TNR: variants seen among roughly 807,000 people sequenced by gnomAD.
The protein encoded by TNR is tenascin-R.
A neutral mutation model predicts 150.4 loss-of-function variants in TNR; 45 were observed. The observed-to-expected ratio is 0.30, with a 90% CI of 0.24 to 0.38. The LOEUF is 0.38. Among genes scored for constraint, TNR ranks in the 10% least tolerant of loss-of-function variants. The pLI is 1.00. For synonymous variants in TNR, 687 were observed against 678.4 expected, an observed-to-expected ratio of 1.01 and a Z score of -0.20; for missense variants, 1,544 against 1,759.1, an observed-to-expected ratio of 0.88 and a Z score of 2.19.
At chr1:175,359,826 G>T (rs1048052066) in intron 14 of TNR, 95 bp from the exon 15 acceptor site, 4 of 1,435,614 alleles carry the variant, frequency 2.8e-6, no homozygotes, top group Admixed American at 2.5e-5. Flanking sequence ...GTGCAAGACT[G>T]CTGCTGCACT....
intron 1 of TNR, among the ~76,000 whole-genome samples, chr1:175,685,909 C>A (rs1666182222): frequency 6.6e-6 from 1 of 150,640 alleles, no homozygotes; most frequent in Non-Finnish European, 1.5e-5. Context: ...TCAGAGATTT[C>A]ATCTGGACCT....
intron 13 of TNR, among the ~76,000 whole-genome samples, chr1:175,363,357 C>G (rs1329253052): frequency 6.6e-6 from 1 of 152,236 alleles, no homozygotes; most frequent in Non-Finnish European, 1.5e-5. Flanking sequence ...AGCCATCCCT[C>G]TGGATCCTAG....
intron 1 of TNR, chr1:175,556,913 A>C (rs957222603): frequency 1.3e-5 from 2 of 152,194 alleles, no homozygotes; most frequent in Admixed American, 1.3e-4. Context: ...AAAAGTGTTG[A>C]GATGTCACTT....
chr1:175,487,791 G>A (rs1055203013), intron 2 of TNR, among the ~76,000 whole-genome samples: 1 of 152,204 alleles, frequency 6.6e-6, no homozygotes, highest in African/African-American at 2.4e-5. Context: ...CCAAAAAAAG[G>A]TAGTGCCTCT....
At chr1:175,359,520 A>G in intron 15 of TNR, 92 bp downstream of exon 15, 6 of 1,600,390 alleles carry the variant, frequency 3.7e-6, no homozygotes, top group Non-Finnish European at 5.1e-6. Flanking sequence ...CTTCAGATTG[A>G]AAAAATGTTT....
intron 2 of TNR, among the ~76,000 whole-genome samples, chr1:175,474,641 C>T (rs1479494963): frequency 3.3e-5 from 5 of 152,218 alleles, no homozygotes; most frequent in Non-Finnish European, 1.5e-5. Context: ...GAGAGGGCAT[C>T]CGTAGCCATG....
intron 1 of TNR, among the ~76,000 whole-genome samples, chr1:175,734,775 C>T (rs551646306): frequency 5.3e-5 from 8 of 152,294 alleles, no homozygotes; most frequent in Middle Eastern, 3.4e-3. Flanking sequence ...CATTGCTGGG[C>T]GCCTCACTTG....
chr1:175,485,436 A>G (rs1336690314), intron 2 of TNR, among the ~76,000 whole-genome samples: 2 of 152,106 alleles, frequency 1.3e-5, no homozygotes, highest in Non-Finnish European at 2.9e-5. Flanking sequence ...AGGAGCACAC[A>G]GGACATTGGC....
intron 1 of TNR, among the ~76,000 whole-genome samples, chr1:175,692,893 AC>A (rs1468476780): frequency 6.6e-6 from 1 of 152,188 alleles, no homozygotes; most frequent in African/African-American, 2.4e-5. Context: ...TGTAGGGAGA[AC>A]CATATCAGTC....
chr1:175,428,459 C>A (rs1276525956), intron 2 of TNR, among the ~76,000 whole-genome samples: 1 of 152,064 alleles, frequency 6.6e-6, no homozygotes, highest in Non-Finnish European at 1.5e-5. Flanking sequence ...TTTACATAAG[C>A]CTTCAAAATT....
At chr1:175,369,780 C>T (rs1027816553) in intron 9 of TNR, among the ~76,000 whole-genome samples, 2 of 152,156 alleles carry the variant, frequency 1.3e-5, no homozygotes, top group Non-Finnish European at 2.9e-5. Context: ...TGATTTTGAT[C>T]GGAAATACTT....
chr1:175,610,569 T>C (rs1397621647), intron 1 of TNR, among the ~76,000 whole-genome samples: 2 of 152,288 alleles, frequency 1.3e-5, no homozygotes, highest in East Asian at 1.9e-4. Context: ...AACACTCTGA[T>C]CTATTAGCCC....
intron 2 of TNR, among the ~76,000 whole-genome samples, chr1:175,470,453 T>C (rs1407643416): frequency 6.6e-6 from 1 of 152,166 alleles, no homozygotes; most frequent in East Asian, 1.9e-4. Context: ...TCCTCCAGAC[T>C]CCCATGGTAT....
chr1:175,367,156 C>A (rs1872440), intron 10 of TNR, 52 bp downstream of exon 10: 355,932 of 1,568,018 alleles, frequency 0.23, 42,402 homozygotes, highest in Non-Finnish European at 0.25. Context: ...TCCATGACTC[C>A]TTAGGCTTAT....
intron 1 of TNR, among the ~76,000 whole-genome samples, chr1:175,699,435 G>A (rs1377590187): frequency 3.3e-5 from 5 of 152,110 alleles, no homozygotes; most frequent in Non-Finnish European, 7.4e-5. Flanking sequence ...AGTTGCATTC[G>A]TGTCAGTATG....
intron 1 of TNR, among the ~76,000 whole-genome samples, chr1:175,623,803 G>C (rs1664056899): frequency 6.6e-6 from 1 of 152,196 alleles, no homozygotes; most frequent in African/African-American, 2.4e-5. Flanking sequence ...GGAGTCTTCT[G>C]GTCCTATCCC....
chr1:175,449,801 T>C (rs1256428762), intron 2 of TNR, among the ~76,000 whole-genome samples: 2 of 152,156 alleles, frequency 1.3e-5, no homozygotes, highest in Non-Finnish European at 2.9e-5. Flanking sequence ...TGAGTTAAGA[T>C]GGCCAGGAAA....
At chr1:175,382,026 G>A (rs1652702129) in intron 8 of TNR, among the ~76,000 whole-genome samples, 1 of 152,230 alleles carries the variant, frequency 6.6e-6, no homozygotes, top group Non-Finnish European at 1.5e-5. Flanking sequence ...CTAGGTCTCA[G>A]TTAAAACGTT....
At chr1:175,334,502 C>G (rs1031495719) in intron 20 of TNR, among the ~76,000 whole-genome samples, 1 of 152,188 alleles carries the variant, frequency 6.6e-6, no homozygotes, top group African/African-American at 2.4e-5. Context: ...TGTGACTTTC[C>G]TAGTTGCTCC....
Sources: allele counts gnomAD v4.1 joint callset (sites outside exome capture counted in the v4.1 genomes callset), GRCh38; gene constraint gnomAD v4.1.1; transcripts MANE v1.5; gene names NCBI Gene and HGNC (gene_info 2026-07-23, HGNC 2026-07-21).